The following B4GALT1 variants were observed in gnomAD, a reference collection of about 807,000 sequenced individuals.
B4GALT1 encodes N-acetyllactosamine synthase.
A neutral mutation model predicts 34.9 loss-of-function variants in B4GALT1; 16 were observed. That is an observed-to-expected ratio of 0.46 (90% CI 0.31 to 0.70). The LOEUF (loss-of-function observed/expected upper bound fraction) is 0.70, where lower values mean the gene tolerates loss of function less well. B4GALT1 is among the 30% of genes least tolerant of loss of function. The pLI is 0.05. For missense variants in B4GALT1, 445 were observed against 530.5 expected (o/e 0.84, Z 1.58); for synonymous variants, 221 against 218.1 (o/e 1.01, Z -0.12).
chr9:33,152,246 G>A (rs1840527266), intron 1 of B4GALT1, among the ~76,000 whole-genome samples: 1 of 152,036 alleles, frequency 6.6e-6, no homozygotes, highest in Admixed American at 6.6e-5. Flanking sequence ...AGAGGTTGCA[G>A]TGAGCCGAGA....
rs1064910 is a variant in B4GALT1 at position 33,120,487 on chromosome 9, G to A, written c.768C>T (p.Asp256=). ...GTGAAAAACACCTGTACGCATTATG[G>A]TCATTCATTGGAATGAGGTCCACGT... ...FSDVDLIPMN[D]HNAYRCFSQP... Residue 256 remains aspartate, a synonymous_variant, in exon 3 of 6, where the codon GAC becomes GAT. Transcript: ENST00000379731. 6.2e-7 allele frequency: 1 copy of A among 1,614,146 alleles called. No individual in the cohort carries two copies. Among genetic ancestry groups the A allele is most frequent in the Non-Finnish European group, 8.5e-7 (1 of 1,180,042 alleles).
intron 1 of B4GALT1, among the ~76,000 whole-genome samples, chr9:33,153,525 G>C (rs969681378): frequency 1.3e-5 from 2 of 152,154 alleles, no homozygotes; most frequent in African/African-American, 4.8e-5. Context: ...AGTAATGAAA[G>C]AGGGACTATC....
intron 2 of B4GALT1, among the ~76,000 whole-genome samples, chr9:33,129,318 T>C (rs915439476): frequency 8.5e-5 from 13 of 152,188 alleles, no homozygotes; most frequent in African/African-American, 2.4e-4. Flanking sequence ...TTTTTCCTGA[T>C]AAGGGAGGTC....
upstream of B4GALT1, among the ~76,000 whole-genome samples, chr9:33,171,221 G>A (rs926907258): frequency 6.6e-6 from 1 of 152,196 alleles, no homozygotes; most frequent in African/African-American, 2.4e-5. Flanking sequence ...TGCCTCACAT[G>A]GTGTCAGCTG....
chr9:33,113,924 C>T (rs1388966674), intron 4 of B4GALT1, 46 bp from the exon 5 acceptor site: 2 of 1,579,404 alleles, frequency 1.3e-6, no homozygotes, highest in Non-Finnish European at 1.7e-6. Flanking sequence ...CTGCCATACA[C>T]TTGGCCTGAG....
chr9:33,139,100 T>C (rs1840311391), intron 1 of B4GALT1, among the ~76,000 whole-genome samples: 1 of 152,156 alleles, frequency 6.6e-6, no homozygotes, highest in Non-Finnish European at 1.5e-5. Context: ...AACTGCAAAC[T>C]TGCCCTGTGA....
chr9:33,114,116 C>A (rs1839906338), intron 4 of B4GALT1, among the ~76,000 whole-genome samples: 1 of 152,252 alleles, frequency 6.6e-6, no homozygotes, highest in South Asian at 2.1e-4. Flanking sequence ...GTGCCAGACA[C>A]TGGGGCCGTG....
intron 2 of B4GALT1, among the ~76,000 whole-genome samples, chr9:33,128,209 A>T (rs561028445): frequency 1.3e-5 from 2 of 152,342 alleles, no homozygotes; most frequent in Non-Finnish European, 2.9e-5. Context: ...TACAAACAGG[A>T]TTAACAAGTA....
intron 1 of B4GALT1, among the ~76,000 whole-genome samples, chr9:33,155,650 G>C (rs1378280339): frequency 6.6e-6 from 1 of 152,126 alleles, no homozygotes; most frequent in Non-Finnish European, 1.5e-5. Flanking sequence ...TACTCGCTTT[G>C]GGCTATATTC....
chr9:33,171,780 C>A (rs1840844004), upstream of B4GALT1, among the ~76,000 whole-genome samples: 1 of 152,142 alleles, frequency 6.6e-6, no homozygotes, highest in East Asian at 1.9e-4. Flanking sequence ...GTCTCGAACT[C>A]CTGAGCTCAC....
At chr9:33,135,908 T>TGTGTGTGTGTGTGTGTGTGG (rs1840264156) in intron 1 of B4GALT1, among the ~76,000 whole-genome samples, 1 of 112,828 alleles carries the variant, frequency 8.9e-6, no homozygotes, top group African/African-American at 3.0e-5. Flanking sequence ...TGTGTGTGTG[T>TGTGTGTGTGTGTGTGTGTGG]GTATGTGTGT....
At chr9:33,172,147 G>T (rs1344395994), upstream of B4GALT1, among the ~76,000 whole-genome samples, 1 of 152,202 alleles carries the variant, frequency 6.6e-6, no homozygotes, top group African/African-American at 2.4e-5. Context: ...CTGCAGGTAG[G>T]CCAACAAGGA....
intron 1 of B4GALT1, among the ~76,000 whole-genome samples, chr9:33,147,640 G>C (rs1840448513): frequency 6.6e-6 from 1 of 152,144 alleles, no homozygotes; most frequent in African/African-American, 2.4e-5. Context: ...AACTATACCA[G>C]CATACCTAAC....
downstream of B4GALT1, chr9:33,108,558 C>T (rs1839819504): frequency 6.6e-6 from 1 of 151,910 alleles, no homozygotes; most frequent in Non-Finnish European, 1.5e-5. Flanking sequence ...GATTTGAATC[C>T]AGGTATTCTG....
chr9:33,127,752 T>C (rs1301550781), intron 2 of B4GALT1, among the ~76,000 whole-genome samples: 3 of 152,246 alleles, frequency 2.0e-5, no homozygotes, highest in South Asian at 2.1e-4. Context: ...CATGGGAAGA[T>C]GCTGATGATA....
At chr9:33,126,998 G>C (rs1840120975) in intron 2 of B4GALT1, among the ~76,000 whole-genome samples, 1 of 152,140 alleles carries the variant, frequency 6.6e-6, no homozygotes, top group Non-Finnish European at 1.5e-5. Flanking sequence ...GTCTCACTCT[G>C]TCGCCCAGGC....
At chr9:33,110,538 G>A (rs1839841364), downstream of B4GALT1, 2 of 152,188 alleles carry the variant, frequency 1.3e-5, no homozygotes, top group African/African-American at 4.8e-5. Flanking sequence ...ATTCCAGGGA[G>A]GCATGTGTAT....
At chr9:33,152,344 CAT>C (rs199517178) in intron 1 of B4GALT1, among the ~76,000 whole-genome samples, 226 of 91,256 alleles carry the variant, frequency 2.5e-3, no homozygotes, top group East Asian at 0.01. Flanking sequence ...CATAACATAA[CAT>C]AACATAACAT....
chr9:33,134,203 T>A (rs1394078990), intron 2 of B4GALT1, among the ~76,000 whole-genome samples: 1 of 152,086 alleles, frequency 6.6e-6, no homozygotes, highest in African/African-American at 2.4e-5. Context: ...TCCCCTGGGG[T>A]CATAGGGAAG....
Sources: gnomAD v4.1 joint callset for allele counts (sites outside exome capture counted in the v4.1 genomes callset) on GRCh38, gnomAD v4.1.1 for gene constraint, MANE v1.5 for transcripts, NCBI Gene and HGNC (gene_info 2026-07-23, HGNC 2026-07-21) for gene names.